The following DAO variants were observed in gnomAD, a reference collection of about 807,000 sequenced individuals.
DAO encodes the protein D-amino-acid oxidase.
Under a neutral mutation model 50.1 loss-of-function variants are expected in DAO, and 51 were observed. The observed-to-expected ratio is 1.02, with a 90% CI of 0.81 to 1.29. DAO has a LOEUF of 1.29. DAO is among the 50% of genes most tolerant of loss of function. The pLI, the probability that DAO is intolerant of heterozygous loss-of-function variation, is 0.00. For synonymous variants in DAO, 160 were observed against 166.2 expected (o/e 0.96, Z 0.29); for missense variants, 436 against 439.4 (o/e 0.99, Z 0.07).
In DAO at chr12:108,900,443, A is replaced by G. The variant is rs1466510558; in HGVS notation, c.952A>G (p.Ile318Val). ...NYGHGGYGLT[I>V]HWGCALEAAK... is the part of the protein sequence containing the mutation. Reference sequence around the variant, plus strand: ...TGGCCATGGAGGCTACGGGCTCACCATCCACTGGGGATGTGCCCTGGAGGC... The same window carrying G: ...TGGCCATGGAGGCTACGGGCTCACCGTCCACTGGGGATGTGCCCTGGAGGC... The change falls in exon 11 of 11, where the codon ATC becomes GTC. Residue 318 changes from isoleucine to valine, a missense_variant. Ile to Val is a conservative substitution (Grantham distance 29). Coordinates refer to ENST00000228476, the MANE Select transcript of DAO (RefSeq NM_001917.5). 3.1e-6 allele frequency: 5 copies of G among 1,613,982 alleles called. No homozygotes were observed. The highest frequency in any genetic ancestry group is 1.1e-5 in the South Asian group (1 of 91,072).
intron 1 of DAO, among the ~76,000 whole-genome samples, chr12:108,883,124 C>T (rs1349056168): frequency 6.6e-6 from 1 of 151,604 alleles, no homozygotes; most frequent in Non-Finnish European, 1.5e-5. Flanking sequence ...GAAGTGAAGC[C>T]AGGTCTGACT....
chr12:108,887,622 TG>T, intron 3 of DAO, 58 bp downstream of exon 3: 1 of 1,268,116 alleles, frequency 7.9e-7, no homozygotes, highest in Non-Finnish European at 1.2e-6. Context: ...GTAGTGAGGG[TG>T]GGTGCAGCAG....
chr12:108,887,612 G>T (rs1236218997), intron 3 of DAO, 48 bp downstream of exon 3: 11 of 1,379,838 alleles, frequency 8.0e-6, no homozygotes, highest in Non-Finnish European at 1.1e-5. Flanking sequence ...CAGGGCTGGG[G>T]TAGTGAGGGT....
At position 108,890,276 on chromosome 12, in the gene DAO, G is replaced by A. The variant is rs2039477759; in HGVS notation, c.452+3G>A. ...TATCTACAGTGGCTGACTGAAAGGT[G>A]AGATTTTAAGCTTCACTTTGAGGGA... On this transcript the variant is annotated splice_donor_region_variant and intron_variant, in intron 5 of 10. Transcript: ENST00000228476. The A allele has an allele frequency of 6.2e-7, 1 of 1,612,288 alleles. No homozygotes were observed. Among genetic ancestry groups the A allele is most frequent in the African/African-American group, 1.3e-5 (1 of 75,026 alleles).
intron 1 of DAO, among the ~76,000 whole-genome samples, chr12:108,881,771 A>AT (rs1290679058): frequency 6.6e-6 from 1 of 151,248 alleles, no homozygotes; most frequent in Non-Finnish European, 1.5e-5. Context: ...TGCCAAGCTA[A>AT]TTTTTTTGTA....
chr12:108,893,623 A>T (rs1003602508), intron 6 of DAO, among the ~76,000 whole-genome samples: 1 of 152,216 alleles, frequency 6.6e-6, no homozygotes, highest in Non-Finnish European at 1.5e-5. Context: ...CACCGAAGAT[A>T]CATGGTCGAC....
intron 6 of DAO, among the ~76,000 whole-genome samples, chr12:108,893,564 C>G (rs527824580): frequency 2.0e-5 from 3 of 152,330 alleles, no homozygotes; most frequent in Middle Eastern, 3.4e-3. Flanking sequence ...CATGTAGCTA[C>G]TAGTGCTATG....
chr12:108,894,996 G>A (rs115878410), intron 7 of DAO, among the ~76,000 whole-genome samples: 1,988 of 152,332 alleles, frequency 0.013, 46 homozygotes, highest in African/African-American at 0.045. Flanking sequence ...GATTACAGGC[G>A]TGAGCCACCA....
At chr12:108,894,848 G>C (rs1366696635) in intron 7 of DAO, among the ~76,000 whole-genome samples, 1 of 152,042 alleles carries the variant, frequency 6.6e-6, no homozygotes, top group African/African-American at 2.4e-5. Flanking sequence ...GAGTAGCTGA[G>C]ACTACAAGCG....
intron 1 of DAO, among the ~76,000 whole-genome samples, chr12:108,884,547 C>T (rs73193464): frequency 0.089 from 13,580 of 152,206 alleles, 830 homozygotes; most frequent in Middle Eastern, 0.16. Flanking sequence ...GTTCAATTTC[C>T]CATCCATCCC....
rs2039418532 is a variant in DAO, at chr12:108,884,937, G to A, written c.-9-61G>A. 2.0e-6 allele frequency: 3 copies of A among 1,516,244 alleles called. No homozygotes were observed. The South Asian group carries it at 3.4e-5, about 17-fold the overall frequency. 93.9% of individuals were successfully genotyped at this position (1,516,244 alleles called of 1,614,324 possible). ...TAAGCCTTCAGTGGATGGTGGCAAT[G>A]GCGCTAAGGATGATGGAGATGATGG... On this transcript the variant is annotated intron_variant, in intron 1 of 10. Coordinates refer to ENST00000228476, the MANE Select transcript of DAO (RefSeq NM_001917.5).
At position 108,887,544 on chromosome 12, in the gene DAO, C is replaced by G; in HGVS notation, c.289C>G (p.Leu97Val). 6.2e-7 allele frequency: 1 copy of G among 1,613,356 alleles called. No individual in the cohort carries two copies. Among genetic ancestry groups the G allele is most frequent in the African/African-American group, 1.3e-5 (1 of 75,022 alleles). Residue 97 changes from leucine to valine, a missense_variant, in exon 3 of 11, where the codon CTC (leucine) becomes GTC (valine). Leu to Val is a conservative substitution (Grantham distance 32, BLOSUM62 1). Coordinates refer to ENST00000228476, the MANE Select transcript of DAO (RefSeq NM_001917.5). ...CCTGTTCCTAATCTCGGGCTACAAC[C>G]TCTTCCATGAAGCCATTCCGGTGGG... is the stretch of plus-strand genomic sequence containing the variant. ...LGLFLISGYN[L>V]FHEAIPDPSW...
intron 1 of DAO, among the ~76,000 whole-genome samples, chr12:108,883,302 G>A (rs1432768989): frequency 6.6e-6 from 1 of 152,056 alleles, no homozygotes; most frequent in East Asian, 1.9e-4. Context: ...GCCTGCCACC[G>A]CGCCTGGCTA....
At chr12:108,894,227 C>T (rs770153487) in intron 6 of DAO, 36 bp from the exon 7 acceptor site, 2 of 1,523,994 alleles carry the variant, frequency 1.3e-6, no homozygotes, top group Non-Finnish European at 1.8e-6. Context: ...GTCTTCCCCA[C>T]CTTTCATCCC....
In DAO at chr12:108,894,681, TTTA is replaced by T. The variant is rs10599880; in HGVS notation, c.612+327_612+329del. On this transcript the variant is annotated intron_variant, in intron 7 of 10. Coordinates refer to ENST00000228476, the MANE Select transcript of DAO (RefSeq NM_001917.5). ...ATACAGTCCTAAGCACTTTATTGTG[TTTA>T]TTATTATTATTAATTATTAATTGTG... Among the ~76,000 whole-genome samples, 1,231 of 152,132 alleles carry T rather than the reference TTTA, an allele frequency of 8.1e-3. 18 individuals carry two copies. Among genetic ancestry groups the T allele is most frequent in the African/African-American group, 0.028 (1,166 of 41,482 alleles).
intron 7 of DAO, among the ~76,000 whole-genome samples, chr12:108,896,419 C>CAAAAAAAAAAAAAAAAAAAAAAAAAAAA (rs386377704): frequency 8.4e-5 from 5 of 59,542 alleles, no homozygotes; most frequent in African/African-American, 3.2e-4. Context: ...GAGGCTGTCT[C>CAAAAAAAAAAAAAAAAAAAAAAAAAAAA]AAAAAAAAAA....
chr12:108,881,038 T>C (rs987144367), intron 1 of DAO, among the ~76,000 whole-genome samples: 1 of 152,194 alleles, frequency 6.6e-6, no homozygotes, highest in African/African-American at 2.4e-5. Context: ...CCTTCCCTAC[T>C]TCCTAGAGCA....
At position 108,896,419 on chromosome 12, in the gene DAO, C is replaced by CAAAAAAA. The variant is rs386377704; in HGVS notation, c.613-570_613-564dup. On this transcript the variant is annotated intron_variant, in intron 7 of 10. Transcript: ENST00000228476. ...GCCTGGCAACAGAGCGAGGCTGTCT[C>CAAAAAAA]AAAAAAAAAAAAAAAAAAAAAAATT... 9.2e-4 allele frequency among the ~76,000 whole-genome samples: 55 copies of CAAAAAAA among 59,538 alleles called. 3 individuals are homozygous for CAAAAAAA. Among genetic ancestry groups the CAAAAAAA allele is most frequent in the African/African-American group, 3.1e-3 (48 of 15,724 alleles). 39.1% of individuals were successfully genotyped at this position (59,538 alleles called of 152,430 possible). A position where few individuals can be genotyped will look rare whatever the true frequency, so the allele number is the denominator to read the frequency against.
chr12:108,897,708 G>C (rs1012002544), intron 8 of DAO, among the ~76,000 whole-genome samples: 23 of 152,084 alleles, frequency 1.5e-4, no homozygotes, highest in South Asian at 2.1e-4. Flanking sequence ...AGCACTTTGC[G>C]AGGCCAATGT....
Sources: allele counts gnomAD v4.1 joint callset (sites outside exome capture counted in the v4.1 genomes callset), GRCh38; gene constraint gnomAD v4.1.1; transcripts MANE v1.5; gene names NCBI Gene and HGNC (gene_info 2026-07-23, HGNC 2026-07-21).